Variants in NEDD4L observed in about 807,000 individuals in gnomAD.
NEDD4L encodes the protein E3 ubiquitin-protein ligase NEDD4-like.
In NEDD4L, 54 loss-of-function variants were observed where a neutral mutation model predicts 148.9. The observed-to-expected ratio is 0.36, with a 90% CI of 0.29 to 0.45. The LOEUF (loss-of-function observed/expected upper bound fraction) is 0.45. Ranked by LOEUF, NEDD4L falls within the 20% of genes least tolerant of loss-of-function variation. The pLI, the probability that NEDD4L is intolerant of heterozygous loss-of-function variation, is 1.00. For synonymous variants in NEDD4L, 433 were observed against 440.7 expected, an observed-to-expected ratio of 0.98 and a Z score of 0.22; for missense variants, 856 against 1,233.8, an observed-to-expected ratio of 0.69 and a Z score of 4.59.
intron 5 of NEDD4L, among the ~76,000 whole-genome samples, chr18:58,315,484 G>A (rs1275603018): frequency 6.6e-6 from 1 of 151,722 alleles, no homozygotes; most frequent in Admixed American, 6.6e-5. Flanking sequence ...AAAAAACAAT[G>A]TACTTACTGG....
intron 1 of NEDD4L, chr18:58,047,380 TAA>T (rs1486883629): frequency 1.0e-6 from 1 of 985,146 alleles, no homozygotes; most frequent in African/African-American, 1.7e-5. Context: ...TCCCATCTCA[TAA>T]AGACTGTTGA....
At chr18:58,365,030 G>A (rs763060781) in intron 20 of NEDD4L, among the ~76,000 whole-genome samples, 1 of 152,074 alleles carries the variant, frequency 6.6e-6, no homozygotes, top group African/African-American at 2.4e-5. Context: ...GGAGAGAAGC[G>A]GCTGCAGCTC....
chr18:58,383,173 G>T (rs2048567408), intron 24 of NEDD4L, 73 bp from the exon 25 acceptor site: 2 of 793,042 alleles, frequency 2.5e-6, no homozygotes, highest in Non-Finnish European at 2.2e-6. Context: ...TTTATAGTAA[G>T]ACATTGTCAC....
chr18:58,360,632 A>G (rs1030592599), intron 19 of NEDD4L, among the ~76,000 whole-genome samples: 3 of 152,130 alleles, frequency 2.0e-5, no homozygotes, highest in Non-Finnish European at 4.4e-5. Context: ...TTTATTTCTT[A>G]GCCTCTTTGA....
chr18:58,114,058 T>C (rs2085599897), intron 1 of NEDD4L, among the ~76,000 whole-genome samples: 1 of 152,194 alleles, frequency 6.6e-6, no homozygotes, highest in South Asian at 2.1e-4. Context: ...TCTCCTTTAA[T>C]GTTTTTTTGT....
At chr18:58,322,311 C>T in intron 6 of NEDD4L, 114 bp from the exon 7 acceptor site, 1 of 756,180 alleles carries the variant, frequency 1.3e-6, no homozygotes, top group East Asian at 2.7e-5. Context: ...GAAACACATT[C>T]AGCGGTGCCA....
intron 1 of NEDD4L, among the ~76,000 whole-genome samples, chr18:58,110,158 T>G (rs1415339763): frequency 6.6e-6 from 1 of 152,158 alleles, no homozygotes; most frequent in African/African-American, 2.4e-5. Context: ...GTTTCTAGCT[T>G]GGGTGTCCAA....
intron 1 of NEDD4L, among the ~76,000 whole-genome samples, chr18:58,130,941 G>GATTT (rs1487674893): frequency 7.4e-6 from 1 of 135,118 alleles, no homozygotes. Context: ...GCTCTGTTGG[G>GATTT]GTTTGGTTGT....
intron 24 of NEDD4L, among the ~76,000 whole-genome samples, chr18:58,376,340 A>G (rs1214810073): frequency 1.3e-5 from 2 of 152,210 alleles, no homozygotes. Context: ...CAAGTAGAGT[A>G]ATGCATTAAT....
intron 2 of NEDD4L, among the ~76,000 whole-genome samples, chr18:58,208,006 G>T (rs2042143131): frequency 6.6e-6 from 1 of 152,124 alleles, no homozygotes; most frequent in Admixed American, 6.5e-5. Context: ...TCATGCCACT[G>T]CACTCCAGCC....
intron 2 of NEDD4L, among the ~76,000 whole-genome samples, chr18:58,182,138 A>T (rs2038928249): frequency 6.6e-6 from 1 of 152,188 alleles, no homozygotes; most frequent in African/African-American, 2.4e-5. Flanking sequence ...GAAAGAGTCC[A>T]TTAAGTCTTG....
chr18:58,206,591 A>G (rs2042009324), intron 2 of NEDD4L, among the ~76,000 whole-genome samples: 1 of 152,234 alleles, frequency 6.6e-6, no homozygotes, highest in Non-Finnish European at 1.5e-5. Flanking sequence ...CTTAAGGTAC[A>G]GGAGAATTCA....
At chr18:58,101,819 G>C (rs1319324203) in intron 1 of NEDD4L, among the ~76,000 whole-genome samples, 1 of 152,192 alleles carries the variant, frequency 6.6e-6, no homozygotes, top group Non-Finnish European at 1.5e-5. Flanking sequence ...GAATGAGCCA[G>C]GATGGAGAAC....
At chr18:58,287,222 C>T (rs1345042683) in intron 5 of NEDD4L, among the ~76,000 whole-genome samples, 1 of 151,906 alleles carries the variant, frequency 6.6e-6, no homozygotes, top group African/African-American at 2.4e-5. Context: ...CAGCTCTCAA[C>T]CCAGCACGAA....
chr18:58,162,243 C>G (rs1244911033), intron 1 of NEDD4L, among the ~76,000 whole-genome samples: 3 of 152,082 alleles, frequency 2.0e-5, no homozygotes, highest in Non-Finnish European at 4.4e-5. Flanking sequence ...TGCTTCTCCC[C>G]CAGTGGTCGG....
At chr18:58,296,268 G>T (rs997250170) in intron 5 of NEDD4L, among the ~76,000 whole-genome samples, 1 of 152,148 alleles carries the variant, frequency 6.6e-6, no homozygotes, top group Admixed American at 6.5e-5. Flanking sequence ...TTGATCTAGG[G>T]ACAAGGTGTC....
chr18:58,339,045 T>C (rs1424757352), intron 13 of NEDD4L, among the ~76,000 whole-genome samples: 1 of 152,094 alleles, frequency 6.6e-6, no homozygotes, highest in African/African-American at 2.4e-5. Flanking sequence ...TTTCCAGAGA[T>C]TGAGTAACTG....
chr18:58,263,126 CT>C (rs1398075835), intron 5 of NEDD4L, among the ~76,000 whole-genome samples: 4 of 152,160 alleles, frequency 2.6e-5, no homozygotes, highest in Non-Finnish European at 5.9e-5. Flanking sequence ...CGTTGCTACA[CT>C]TTAGTATTCG....
At chr18:58,219,630 TG>T (rs1441907721) in intron 2 of NEDD4L, among the ~76,000 whole-genome samples, 1 of 46,174 alleles carries the variant, frequency 2.2e-5, no homozygotes, top group African/African-American at 2.8e-4. Flanking sequence ...TTTGTGTACC[TG>T]TGTCCGTGTC....
Sources: gnomAD v4.1 joint callset for allele counts (sites outside exome capture counted in the v4.1 genomes callset) on GRCh38, gnomAD v4.1.1 for gene constraint, MANE v1.5 for transcripts, NCBI Gene and HGNC (gene_info 2026-07-23, HGNC 2026-07-21) for gene names.